Variants in RAD51C observed in about 807,000 individuals in gnomAD.
The protein encoded by RAD51C is RAD51 paralog C, also known as DNA repair protein RAD51 homolog 3.
RAD51C carries 42 observed loss-of-function variants against 45.0 expected under a neutral mutation model. The observed-to-expected ratio is 0.93, with a 90% CI of 0.73 to 1.21. The LOEUF (loss-of-function observed/expected upper bound fraction) is 1.21, where lower values mean the gene tolerates loss of function less well. Among genes scored for constraint, RAD51C ranks in the 50% most tolerant of loss-of-function variants. RAD51C has a pLI of 0.00. For synonymous variants in RAD51C, 172 were observed against 159.8 expected, an observed-to-expected ratio of 1.08 and a Z score of -0.58; for missense variants, 474 against 452.2, an observed-to-expected ratio of 1.05 and a Z score of -0.44.
intron 5 of RAD51C, among the ~76,000 whole-genome samples, chr17:58,710,584 G>A (rs1283495231): frequency 6.6e-6 from 1 of 151,116 alleles, no homozygotes; most frequent in Non-Finnish European, 1.5e-5. Flanking sequence ...ATATACTTTG[G>A]ATGTTTTTCA....
intron 1 of RAD51C, chr17:58,693,004 C>G (rs1199331152): frequency 1.6e-6 from 1 of 632,762 alleles, no homozygotes; most frequent in Non-Finnish European, 2.7e-6. Context: ...ATTGCTTTTC[C>G]TCTGGCAATG....
rs758236529 is a variant in RAD51C at position 58,694,937 on chromosome 17, G to T, written c.152G>T (p.Gly51Val). 1 of 1,612,718 alleles carries T rather than the reference G, an allele frequency of 6.2e-7. No individual in the cohort carries two copies. The highest frequency in any genetic ancestry group is 1.1e-5 in the South Asian group (1 of 91,028). ...TTTCTTATTTTACTTTCAGAAGTTGGGATATCTAAAGCAGAAGCCTTAGAA... is the reference window on the plus strand; with the variant it reads ...TTTCTTATTTTACTTTCAGAAGTTGTGATATCTAAAGCAGAAGCCTTAGAA... The part of the protein sequence containing the change: ...VKPSELSKEV[G>V]ISKAEALETL... The change falls in exon 2 of 9, where the codon GGG (glycine) becomes GTG (valine). Residue 51 changes from glycine to valine, a missense_variant. By Grantham distance (109) the Gly-to-Val change is moderately radical. Coordinates refer to ENST00000337432, the MANE Select transcript of RAD51C (RefSeq NM_058216.3).
At chr17:58,710,082 C>T in intron 5 of RAD51C, 92 bp downstream of exon 5, 1 of 1,406,130 alleles carries the variant, frequency 7.1e-7, no homozygotes, top group South Asian at 1.2e-5. Context: ...GTTTGCCTGA[C>T]AAATAATATA....
At chr17:58,716,299 G>A (rs2048734182) in intron 5 of RAD51C, among the ~76,000 whole-genome samples, 1 of 152,070 alleles carries the variant, frequency 6.6e-6, no homozygotes, top group East Asian at 1.9e-4. Flanking sequence ...TTTTCCTAAA[G>A]ATACGTAGTG....
intron 5 of RAD51C, among the ~76,000 whole-genome samples, chr17:58,720,140 G>A (rs185316245): frequency 9.2e-5 from 14 of 151,362 alleles, no homozygotes; most frequent in Admixed American, 1.3e-4. Context: ...CAGGCTGGGC[G>A]CGGTGGCTCA....
intron 4 of RAD51C, among the ~76,000 whole-genome samples, chr17:58,708,444 A>G (rs1395119128): frequency 1.3e-5 from 2 of 152,070 alleles, no homozygotes; most frequent in Admixed American, 1.3e-4. Flanking sequence ...CTGGAACAGT[A>G]AATAGCATAT....
chr17:58,729,630 G>A (rs2049329764), intron 7 of RAD51C, among the ~76,000 whole-genome samples: 2 of 151,926 alleles, frequency 1.3e-5, no homozygotes, highest in Non-Finnish European at 2.9e-5. Context: ...GGAGTGCAGT[G>A]GCGCCATATC....
In RAD51C at chr17:58,694,906, T is replaced by C. The variant is rs760292673; in HGVS notation, c.146-25T>C. On this transcript the variant is annotated intron_variant, in intron 1 of 8. Coordinates refer to ENST00000337432, the MANE Select transcript of RAD51C (RefSeq NM_058216.3). ...ACTTTTAAATCTCTAAAATTAGGGT[T>C]CTTTTTTTCTTATTTTACTTTCAGA... The C allele has an allele frequency of 5.1e-6, 8 of 1,568,772 alleles. No individual in the cohort carries two copies. In the Admixed American group the frequency reaches 8.4e-5, roughly 16 times the overall value.
intron 4 of RAD51C, chr17:58,706,753 C>G (rs1405260025): frequency 4.7e-6 from 1 of 214,828 alleles, no homozygotes; most frequent in Non-Finnish European, 1.1e-5. Context: ...TTCATTCTTT[C>G]CCACTTACTC....
rs753249247 is a variant in RAD51C, at chr17:58,692,637, G to C, written c.-7G>C. ...TGGCTGCTCCGGGGTTAGCAGGTGA[G>C]CCTGCGATGCGCGGGAAGACGTTCC... On this transcript the variant is annotated 5_prime_UTR_variant, in exon 1 of 9. Transcript: ENST00000337432. 19 of 1,613,886 alleles carry C rather than the reference G, an allele frequency of 1.2e-5. No homozygotes were observed. Among genetic ancestry groups the C allele is most frequent in the African/African-American group, 2.7e-5 (2 of 74,948 alleles).
intron 5 of RAD51C, among the ~76,000 whole-genome samples, chr17:58,719,370 GC>G (rs1346285490): frequency 6.6e-6 from 1 of 151,640 alleles, no homozygotes; most frequent in African/African-American, 2.4e-5. Context: ...GCACCACCAT[GC>G]CCAGCTAATT....
At position 58,695,280 on chromosome 17, in the gene RAD51C, A is replaced by G. The variant is rs1482512612; in HGVS notation, c.404+91A>G. 7.4e-6 allele frequency: 11 copies of G among 1,484,974 alleles called. No homozygotes were observed. Among genetic ancestry groups the G allele is most frequent in the African/African-American group, 7.1e-5 (5 of 70,824 alleles). The allele number at this position is 1,484,974 out of a possible 1,614,324, so 92.0% of individuals were successfully genotyped here. ...CTATCGTCAGGAAACCAAATAAGAT[A>G]TATATGTGCTCTTAATTTTAAGTGT... is the stretch of plus-strand genomic sequence containing the variant. On this transcript the variant is annotated intron_variant, in intron 2 of 8. Coordinates refer to ENST00000337432, the MANE Select transcript of RAD51C (RefSeq NM_058216.3).
At chr17:58,698,976 A>C (rs750119672) in intron 3 of RAD51C, among the ~76,000 whole-genome samples, 1 of 151,796 alleles carries the variant, frequency 6.6e-6, no homozygotes, top group Non-Finnish European at 1.5e-5. Context: ...ATTACTTATA[A>C]ATTAAATGGC....
intron 1 of RAD51C, chr17:58,694,310 T>G (rs932466434): frequency 2.6e-5 from 4 of 153,292 alleles, no homozygotes; most frequent in African/African-American, 9.6e-5. Flanking sequence ...TAATTATGGC[T>G]TCATAAGACC....
chr17:58,729,296 C>G (rs942098719), intron 7 of RAD51C, among the ~76,000 whole-genome samples: 2 of 152,182 alleles, frequency 1.3e-5, no homozygotes, highest in African/African-American at 4.8e-5. Context: ...CAGCTCACTA[C>G]AACCTCGGCC....
intron 1 of RAD51C, chr17:58,693,424 A>C (rs1567784215): frequency 1.3e-5 from 2 of 157,044 alleles, no homozygotes; most frequent in Admixed American, 6.1e-5. Context: ...TGTTGTGCAC[A>C]TCTCTCTATG....
At chr17:58,708,931 T>C (rs988657630) in intron 4 of RAD51C, among the ~76,000 whole-genome samples, 1 of 151,994 alleles carries the variant, frequency 6.6e-6, no homozygotes, top group East Asian at 1.9e-4. Context: ...GAAGGTAAAA[T>C]TGGTATATTT....
chr17:58,718,136 A>G (rs1414401500), intron 5 of RAD51C, among the ~76,000 whole-genome samples: 2 of 152,036 alleles, frequency 1.3e-5, no homozygotes, highest in African/African-American at 2.4e-5. Flanking sequence ...AGCTGGGGTT[A>G]CAGGTGCCCG....
In RAD51C at chr17:58,735,155, C is replaced by T. The variant is rs2049589249; in HGVS notation, c.*933C>T. 1 of 152,088 alleles carries T rather than the reference C, an allele frequency of 6.6e-6. No individual in the cohort carries two copies. The highest frequency in any genetic ancestry group is 2.4e-5 in the African/African-American group (1 of 41,414). The allele number at this position is 152,088 out of a possible 1,614,324, so 9.4% of individuals were successfully genotyped here. A position where few individuals can be genotyped will look rare whatever the true frequency, so the allele number is the denominator to read the frequency against. On this transcript the variant is annotated 3_prime_UTR_variant, in exon 9 of 9. Transcript: ENST00000337432. ...TCTAGAGATTGTTTGGAACATATGT[C>T]TTCCAGAATAGGTTGATAAGCTCAC...
Sources: allele counts gnomAD v4.1 joint callset (sites outside exome capture counted in the v4.1 genomes callset), GRCh38; gene constraint gnomAD v4.1.1; transcripts MANE v1.5; gene names NCBI Gene and HGNC (gene_info 2026-07-23, HGNC 2026-07-21).